Variants in ADSS1 observed in about 807,000 individuals in gnomAD.
ADSS1 encodes the protein adenylosuccinate synthase 1.
Under a neutral mutation model 59.1 loss-of-function variants are expected in ADSS1, and 57 were observed. That is an observed-to-expected ratio of 0.97 (90% CI 0.78 to 1.20). ADSS1 has a LOEUF of 1.20. Ranked by LOEUF, ADSS1 falls within the 50% of genes most tolerant of loss-of-function variation. The probability of loss-of-function intolerance (pLI) is 0.00; values close to 1 mark genes in which losing one functional copy is unlikely to be tolerated. For synonymous variants in ADSS1, 247 were observed against 249.4 expected (o/e 0.99, Z 0.09); for missense variants, 603 against 610.3 (o/e 0.99, Z 0.13).
In ADSS1 at chr14:104,740,362, TACAC is replaced by T. The variant is rs200168091; in HGVS notation, c.477-235_477-232del. On this transcript the variant is annotated intron_variant, in intron 5 of 12. Coordinates refer to ENST00000330877, the MANE Select transcript of ADSS1 (RefSeq NM_152328.5). This position sits in a 1 kb window ranked among gnomAD's most constrained non-coding sequence, Gnocchi z 4.8. Reference sequence around the variant, plus strand: ...ACACACCCACGCAAATGCACAAAAGTACACACAGCCACACATGCACACACTCCAC... The same window carrying T: ...ACACACCCACGCAAATGCACAAAAGTACAGCCACACATGCACACACTCCAC... 9.7e-3 allele frequency among the ~76,000 whole-genome samples: 1,463 copies of T among 151,504 alleles called. 28 individuals are homozygous for T. Among genetic ancestry groups the T allele is most frequent in the African/African-American group, 0.034 (1,394 of 41,262 alleles).
chr14:104,744,110 T>G (rs76959031), intron 10 of ADSS1, among the ~76,000 whole-genome samples: 8,924 of 151,968 alleles, frequency 0.059, 308 homozygotes, highest in South Asian at 0.1. Context: ...GGAAGGTGAC[T>G]AGGACAAGGG....
chr14:104,730,569 G>A (rs549032034), intron 1 of ADSS1, among the ~76,000 whole-genome samples: 2 of 152,292 alleles, frequency 1.3e-5, no homozygotes. Context: ...ATAGATAGAT[G>A]ATATGGAGAG....
At chr14:104,739,436 G>A (rs1253005508) in intron 4 of ADSS1, 58 bp downstream of exon 4, 64 of 1,555,640 alleles carry the variant, frequency 4.1e-5, no homozygotes, top group Non-Finnish European at 5.3e-5. Flanking sequence ...ATTGCCAGCC[G>A]GCCCTGCTCC....
At chr14:104,732,129 T>C (rs1352063898) in intron 1 of ADSS1, among the ~76,000 whole-genome samples, 1 of 152,160 alleles carries the variant, frequency 6.6e-6, no homozygotes, top group Non-Finnish European at 1.5e-5. Flanking sequence ...GTTTGGTCCC[T>C]CCTCATCGGC....
intron 9 of ADSS1, 36 bp downstream of exon 9, chr14:104,742,038 C>T (rs1891384815): frequency 6.2e-7 from 1 of 1,606,876 alleles, no homozygotes; most frequent in Non-Finnish European, 8.5e-7. Flanking sequence ...CGTGGGAGGA[C>T]AGGGAGGCCA....
rs1017044433 is a variant in ADSS1, at chr14:104,746,324, G to A, written c.1260G>A (p.Glu420=). ...ACACCACAGGCGCCAGGAGGTGGGA[G>A]GACCTGCCCCCACAGGCCCAGAACT... The part of the protein sequence containing the change: ...KADTTGARRW[E]DLPPQAQNYI... The change falls in exon 12 of 13, where the codon GAG becomes GAA. Residue 420 remains glutamate, a synonymous_variant. Coordinates refer to ENST00000330877, the MANE Select transcript of ADSS1 (RefSeq NM_152328.5). 8.1e-5 allele frequency: 131 copies of A among 1,613,878 alleles called. No homozygotes were observed. In the East Asian group the frequency reaches 2.9e-3, roughly 35 times the overall value.
At chr14:104,743,916 G>T (rs1891464815) in intron 10 of ADSS1, among the ~76,000 whole-genome samples, 1 of 152,250 alleles carries the variant, frequency 6.6e-6, no homozygotes, top group Non-Finnish European at 1.5e-5. Flanking sequence ...GGGCCAGCAT[G>T]GAGGACAGGC....
At chr14:104,745,255 T>C (rs952130884) in intron 11 of ADSS1, 2 of 275,724 alleles carry the variant, frequency 7.3e-6, no homozygotes, top group African/African-American at 4.4e-5. Flanking sequence ...CAGGAGTTAG[T>C]GGATGCGGTC....
At chr14:104,739,647 C>A in intron 4 of ADSS1, 103 bp from the exon 5 acceptor site, 1 of 1,328,852 alleles carries the variant, frequency 7.5e-7, no homozygotes, top group Non-Finnish European at 1.1e-6. Flanking sequence ...CAACCACCCC[C>A]TTCCCAGGAG....
chr14:104,742,252 G>C (rs969575655), intron 9 of ADSS1, among the ~76,000 whole-genome samples: 2 of 152,388 alleles, frequency 1.3e-5, no homozygotes, highest in African/African-American at 4.8e-5. Flanking sequence ...ACGTACACGT[G>C]ACCTCGTTCC....
rs1282148038 is a variant in ADSS1 at position 104,743,493 on chromosome 14, G to C, written c.1073+302G>C. ...TTCATGTGGAGAGCGGAAGTACCCA[G>C]GACGAAAGGATGCACTGTCATCCTG... On this transcript the variant is annotated intron_variant, in intron 10 of 12. Coordinates refer to ENST00000330877, the MANE Select transcript of ADSS1 (RefSeq NM_152328.5). 3 of 328,086 alleles carry C rather than the reference G, an allele frequency of 9.1e-6. No homozygotes were observed. In the East Asian group the frequency reaches 1.9e-4, roughly 21 times the overall value. 20.3% of individuals were successfully genotyped at this position (328,086 alleles called of 1,614,324 possible). A position where few individuals can be genotyped will look rare whatever the true frequency, so the allele number is the denominator to read the frequency against.
In ADSS1 at chr14:104,739,515, A is replaced by G. The variant is rs1427439310; in HGVS notation, c.409+137A>G. On this transcript the variant is annotated intron_variant, in intron 4 of 12. Transcript: ENST00000330877. ...TCCACATGGCTCCATTAGCTTGTAC[A>G]TTACCCTTTTCAAAGAGCTTCAAGT... 38 of 1,074,934 alleles carry G rather than the reference A, an allele frequency of 3.5e-5. No homozygotes were observed. Among genetic ancestry groups the G allele is most frequent in the Non-Finnish European group, 5.0e-5 (37 of 741,464 alleles). 66.6% of individuals were successfully genotyped at this position (1,074,934 alleles called of 1,614,324 possible).
intron 1 of ADSS1, chr14:104,729,767 T>C (rs1432185920): frequency 4.2e-6 from 1 of 237,650 alleles, no homozygotes; most frequent in Non-Finnish European, 6.8e-6. Context: ...GTCGGCGTCG[T>C]GGGGAGGAGC....
intron 8 of ADSS1, among the ~76,000 whole-genome samples, chr14:104,741,618 G>T (rs567334124): frequency 6.6e-6 from 1 of 152,306 alleles, no homozygotes; most frequent in African/African-American, 2.4e-5. Context: ...AGGCCATGCT[G>T]TGGGCAACTT....
chr14:104,732,705 C>T (rs964925781), intron 1 of ADSS1, among the ~76,000 whole-genome samples: 1 of 152,226 alleles, frequency 6.6e-6, no homozygotes, highest in Non-Finnish European at 1.5e-5. Flanking sequence ...GGTCATCCCT[C>T]GACGCCTGCC....
At chr14:104,741,333 G>A (rs998153490) in intron 8 of ADSS1, 90 bp downstream of exon 8, 9 of 1,481,790 alleles carry the variant, frequency 6.1e-6, no homozygotes, top group African/African-American at 1.4e-5. Context: ...GATGGGGGAG[G>A]GAGGGGCAGA....
intron 1 of ADSS1, among the ~76,000 whole-genome samples, chr14:104,730,369 A>C (rs1007233544): frequency 9.9e-5 from 15 of 152,252 alleles, no homozygotes; most frequent in African/African-American, 3.6e-4. Flanking sequence ...GGGCGCCTGT[A>C]GTCCCAGCTA....
chr14:104,724,249 G>T lies in ADSS1; in HGVS notation c.-22G>T, dbSNP rs1890652931. 3 of 1,224,490 alleles carry T rather than the reference G, an allele frequency of 2.4e-6. No homozygotes were observed. Among genetic ancestry groups the T allele is most frequent in the Non-Finnish European group, 3.1e-6 (3 of 982,598 alleles). The allele number at this position is 1,224,490 out of a possible 1,614,324, so 75.9% of individuals were successfully genotyped here. A position where few individuals can be genotyped will look rare whatever the true frequency, so the allele number is the denominator to read the frequency against. The stretch of plus-strand genomic sequence containing the variant: ...GCGGCGGGCTCCTGGCCGGGCCAGC[G>T]CAGCGGAAGAGCCAAGCCAGCATGT... On this transcript the variant is annotated 5_prime_UTR_variant, in exon 1 of 13. Transcript: ENST00000330877.
rs539452449 is a variant in ADSS1, at chr14:104,739,968, C to T, written c.476+152C>T. The T allele has an allele frequency of 6.0e-6, 5 of 839,630 alleles. No homozygotes were observed. In the African/African-American group the frequency reaches 8.4e-5, roughly 14 times the overall value. 52.0% of individuals were successfully genotyped at this position (839,630 alleles called of 1,614,324 possible). A position where few individuals can be genotyped will look rare whatever the true frequency, so the allele number is the denominator to read the frequency against. ...ATGGCACCGTCAAAATTCCACAGCG[C>T]ATCACCCAACCCCCGGACGAGCCAG... On this transcript the variant is annotated intron_variant, in intron 5 of 12. Transcript: ENST00000330877.
Sources: gnomAD v4.1 joint callset for allele counts (sites outside exome capture counted in the v4.1 genomes callset) on GRCh38, gnomAD v4.1.1 for gene constraint, Gnocchi (gnomAD v3.1) non-coding constraint, MANE v1.5 for transcripts, NCBI Gene and HGNC (gene_info 2026-07-23, HGNC 2026-07-21) for gene names.